Variants in IL1RAPL1 observed in about 807,000 individuals in gnomAD.
IL1RAPL1 encodes interleukin-1 receptor accessory protein-like 1.
A neutral mutation model predicts 48.4 loss-of-function variants in IL1RAPL1; 3 were observed. That is an observed-to-expected ratio of 0.06 (90% CI 0.03 to 0.16). The LOEUF (loss-of-function observed/expected upper bound fraction) is 0.16. IL1RAPL1 is among the 10% of genes least tolerant of loss of function. IL1RAPL1 has a pLI of 1.00. For missense variants in IL1RAPL1, 349 were observed against 530.6 expected, an observed-to-expected ratio of 0.66 and a Z score of 3.36; for synonymous variants, 185 against 187.7, an observed-to-expected ratio of 0.99 and a Z score of 0.12.
chrX:28,626,864 A>G (rs1301885549), intron 1 of IL1RAPL1, among the ~76,000 whole-genome samples: 1 of 112,117 alleles, frequency 8.9e-6, no homozygotes, highest in African/African-American at 3.2e-5. Context: ...GAATAGCTTG[A>G]TTGACTCTTC....
intron 2 of IL1RAPL1, among the ~76,000 whole-genome samples, chrX:28,895,137 G>A (rs1013191399): frequency 9.1e-6 from 1 of 110,429 alleles, no homozygotes; most frequent in African/African-American, 3.3e-5. Flanking sequence ...GTGGAGGGAG[G>A]TATTGAGGAT....
intron 2 of IL1RAPL1, among the ~76,000 whole-genome samples, chrX:28,924,704 T>C (rs776944686): frequency 2.7e-5 from 3 of 112,272 alleles, no homozygotes; most frequent in Non-Finnish European, 5.6e-5. Context: ...GAAAGATTTA[T>C]GTGGCTCTCA....
chrX:29,642,607 T>G (rs771520810), intron 5 of IL1RAPL1, among the ~76,000 whole-genome samples: 29 of 112,615 alleles, frequency 2.6e-4, no homozygotes, highest in South Asian at 1.1e-3. Flanking sequence ...AACTAAGGCA[T>G]AGCTTCCCAA....
At chrX:29,651,749 C>G (rs1302027164) in intron 5 of IL1RAPL1, among the ~76,000 whole-genome samples, 1 of 111,471 alleles carries the variant, frequency 9.0e-6, no homozygotes, top group Non-Finnish European at 1.9e-5. Context: ...GTATTCTTGA[C>G]AAATGCAGAG....
At chrX:29,616,004 C>G (rs1202823579) in intron 5 of IL1RAPL1, among the ~76,000 whole-genome samples, 2 of 111,085 alleles carry the variant, frequency 1.8e-5, no homozygotes, top group Non-Finnish European at 3.8e-5. Context: ...ATTAAAGGGA[C>G]CCTCCAATAA....
At chrX:28,997,711 G>T (rs981956150) in intron 2 of IL1RAPL1, among the ~76,000 whole-genome samples, 1 of 111,402 alleles carries the variant, frequency 9.0e-6, no homozygotes, top group African/African-American at 3.3e-5. Flanking sequence ...CAAGATCTTG[G>T]CTATGTTAAC....
chrX:28,827,549 C>G (rs888120814), intron 2 of IL1RAPL1, among the ~76,000 whole-genome samples: 14 of 111,460 alleles, frequency 1.3e-4, no homozygotes, highest in Non-Finnish European at 2.3e-4. Flanking sequence ...GATCTTTTTT[C>G]TAAAATTTGA....
intron 1 of IL1RAPL1, among the ~76,000 whole-genome samples, chrX:28,686,964 T>A (rs1037546386): frequency 8.9e-5 from 10 of 111,984 alleles, no homozygotes; most frequent in African/African-American, 3.2e-4. Context: ...TCTCAAAAAA[T>A]AAAATGAATT....
chrX:28,787,319 C>T (rs1601903319), intron 1 of IL1RAPL1, among the ~76,000 whole-genome samples: 1 of 111,939 alleles, frequency 8.9e-6, no homozygotes, highest in South Asian at 3.7e-4. Flanking sequence ...ATTCTCACAG[C>T]TAACCTGAAG....
chrX:29,088,517 A>G (rs1417930539), intron 2 of IL1RAPL1, among the ~76,000 whole-genome samples: 1 of 108,914 alleles, frequency 9.2e-6, no homozygotes, highest in Admixed American at 9.9e-5. Context: ...CTCTACTAAA[A>G]ATACAAAAAT....
At chrX:28,650,113 G>A (rs996552537) in intron 1 of IL1RAPL1, among the ~76,000 whole-genome samples, 1 of 112,032 alleles carries the variant, frequency 8.9e-6, no homozygotes, top group African/African-American at 3.2e-5. Flanking sequence ...TCTGGAGCTT[G>A]TCTACTTAAA....
intron 1 of IL1RAPL1, among the ~76,000 whole-genome samples, chrX:28,651,883 C>G (rs1934687404): frequency 9.0e-6 from 1 of 111,514 alleles, no homozygotes; most frequent in Non-Finnish European, 1.9e-5. Context: ...CATCTAATCT[C>G]TCCTACTCCT....
intron 2 of IL1RAPL1, among the ~76,000 whole-genome samples, chrX:29,196,912 C>CT (rs1283110408): frequency 1.8e-5 from 2 of 110,209 alleles, no homozygotes; most frequent in East Asian, 5.7e-4. Context: ...TGCATCCTGC[C>CT]TTACCTTCTA....
intron 2 of IL1RAPL1, among the ~76,000 whole-genome samples, chrX:29,212,965 C>T (rs906783667): frequency 9.0e-6 from 1 of 111,283 alleles, no homozygotes; most frequent in East Asian, 2.8e-4. Flanking sequence ...CTGTGTTGTC[C>T]GAGAGTCAAC....
chrX:29,881,442 A>G (rs1320675848), intron 6 of IL1RAPL1, among the ~76,000 whole-genome samples: 1 of 111,437 alleles, frequency 9.0e-6, no homozygotes, highest in Non-Finnish European at 1.9e-5. Flanking sequence ...TTTCATTGCA[A>G]CATGACTTTT....
Position 29,228,370 on chromosome X carries a change from TGTGA to T in IL1RAPL1, c.83-54566_83-54563del, listed in dbSNP as rs1359646942. 8.2e-4 allele frequency among the ~76,000 whole-genome samples: 86 copies of T among 104,359 alleles called. 1 individual carries two copies. The highest frequency in any genetic ancestry group is 1.7e-3 in the African/African-American group (49 of 28,142). 90.6% of individuals were successfully genotyped at this position (104,359 alleles called of 115,157 possible). ...GTGTGTGTGTGTGTGTGTGTGTGTG[TGTGA>T]GACAGAGTCTCACCCTGTTACCCAG... is the stretch of plus-strand genomic sequence containing the variant. On this transcript the variant is annotated intron_variant, in intron 2 of 10. Coordinates refer to ENST00000378993, the MANE Select transcript of IL1RAPL1 (RefSeq NM_014271.4).
At chrX:29,553,659 G>A (rs1205146867) in intron 5 of IL1RAPL1, among the ~76,000 whole-genome samples, 2 of 111,188 alleles carry the variant, frequency 1.8e-5, no homozygotes, top group Admixed American at 9.6e-5. Flanking sequence ...TTTCCTCCTG[G>A]AAAATAGGAC....
chrX:29,230,521 A>AAAAAAAAAAC (rs1931177362), intron 2 of IL1RAPL1, among the ~76,000 whole-genome samples: 3 of 96,885 alleles, frequency 3.1e-5, no homozygotes, highest in African/African-American at 7.6e-5. Flanking sequence ...AAAAAAAAAA[A>AAAAAAAAAAC]AAAAAAAAAA....
chrX:29,603,591 C>G (rs1275278744), intron 5 of IL1RAPL1, among the ~76,000 whole-genome samples: 1 of 111,544 alleles, frequency 9.0e-6, no homozygotes. Flanking sequence ...CCACCACCCC[C>G]CACCACCTCC....
Sources: gnomAD v4.1 joint callset for allele counts (sites outside exome capture counted in the v4.1 genomes callset) on GRCh38, gnomAD v4.1.1 for gene constraint, MANE v1.5 for transcripts, NCBI Gene and HGNC (gene_info 2026-07-23, HGNC 2026-07-21) for gene names.